The following PHKB variants were observed in gnomAD, a reference collection of about 807,000 sequenced individuals.
PHKB encodes the protein phosphorylase kinase regulatory subunit beta, also known as phosphorylase b kinase regulatory subunit beta.
Under a neutral mutation model 152.1 loss-of-function variants are expected in PHKB, and 122 were observed. The observed-to-expected ratio is 0.80, with a 90% CI of 0.69 to 0.93. The LOEUF (loss-of-function observed/expected upper bound fraction) is 0.93. PHKB is among the 40% of genes least tolerant of loss of function. The probability of loss-of-function intolerance (pLI) is 0.00; values close to 1 mark genes in which losing one functional copy is unlikely to be tolerated. For missense variants in PHKB, 1,304 were observed against 1,328.4 expected, an observed-to-expected ratio of 0.98 and a Z score of 0.29; for synonymous variants, 436 against 464.9, an observed-to-expected ratio of 0.94 and a Z score of 0.80.
At position 47,620,254 on chromosome 16, in the gene PHKB, T is replaced by C. The variant is rs555520331; in HGVS notation, c.1458+9334T>C. The stretch of plus-strand genomic sequence containing the variant: ...AAATATTCTGATATGAAAATGCTAT[T>C]TCAATATTCAAGAGTACAAATAGGA... On this transcript the variant is annotated intron_variant, in intron 14 of 30. Coordinates refer to ENST00000323584, the MANE Select transcript of PHKB (RefSeq NM_000293.3). Among the ~76,000 whole-genome samples, 4 of 152,328 alleles carry C rather than the reference T, an allele frequency of 2.6e-5. No individual in the cohort carries two copies. In the South Asian group the frequency reaches 8.3e-4, roughly 32 times the overall value.
Position 47,678,266 on chromosome 16 carries a change from A to G in PHKB, c.2630+8849A>G, listed in dbSNP as rs780622230. On this transcript the variant is annotated intron_variant, in intron 26 of 30. Transcript: ENST00000323584. ...TGTCTTTATAGCAGCATGATTTATA[A>G]TCCTTTGGGTATATACCCAGTAATG... Among the ~76,000 whole-genome samples the G allele has an allele frequency of 5.4e-3, 826 of 151,816 alleles. 6 individuals carry two copies. Among genetic ancestry groups the G allele is most frequent in the African/African-American group, 0.019 (795 of 41,178 alleles).
In PHKB at chr16:47,563,994, CT is replaced by C. The variant is rs899061752; in HGVS notation, c.711-16281del. 9.8e-3 allele frequency among the ~76,000 whole-genome samples: 802 copies of C among 82,028 alleles called. 4 individuals carry two copies. The highest frequency in any genetic ancestry group is 0.027 in the African/African-American group (592 of 22,092). 53.8% of individuals were successfully genotyped at this position (82,028 alleles called of 152,430 possible). ...TTGCTGCAAAAGACATTATTTCATT[CT>C]TTTTTTTTTTTTTTTTTTTGGCTGA... On this transcript the variant is annotated intron_variant, in intron 7 of 30. Transcript: ENST00000323584.
intron 7 of PHKB, among the ~76,000 whole-genome samples, chr16:47,569,114 A>G (rs1357244150): frequency 6.6e-6 from 1 of 152,102 alleles, no homozygotes; most frequent in Non-Finnish European, 1.5e-5. Flanking sequence ...CTGTCAATGA[A>G]GTGTTGAAGT....
chr16:47,654,670 G>A (rs1973301221), intron 20 of PHKB, among the ~76,000 whole-genome samples: 3 of 152,068 alleles, frequency 2.0e-5, no homozygotes, highest in Non-Finnish European at 4.4e-5. Flanking sequence ...GATGAAGCTG[G>A]AAACCATCAT....
chr16:47,535,582 T>G (rs989087112), intron 6 of PHKB, among the ~76,000 whole-genome samples: 1 of 152,234 alleles, frequency 6.6e-6, no homozygotes, highest in African/African-American at 2.4e-5. Flanking sequence ...TGTTTGCTTT[T>G]GGAGTTGCAG....
At position 47,674,546 on chromosome 16, in the gene PHKB, C is replaced by T. The variant is rs533093805; in HGVS notation, c.2630+5129C>T. On this transcript the variant is annotated intron_variant, in intron 26 of 30. Transcript: ENST00000323584. ...CATTATGTTAACCACACAAAAAAAG[C>T]TTTCTGAAATGTAAACCTGCCTGCC... 8.3e-4 allele frequency among the ~76,000 whole-genome samples: 127 copies of T among 152,260 alleles called. 1 individual carries two copies. The highest frequency in any genetic ancestry group is 2.9e-3 in the African/African-American group (121 of 41,562).
At chr16:47,532,489 A>G (rs777674616) in intron 6 of PHKB, among the ~76,000 whole-genome samples, 1 of 152,206 alleles carries the variant, frequency 6.6e-6, no homozygotes, top group Non-Finnish European at 1.5e-5. Flanking sequence ...CATGCCTGCC[A>G]AGGATGAGCC....
At chr16:47,649,050 G>A (rs1157309562) in intron 17 of PHKB, 50 bp from the exon 18 acceptor site, 1 of 980,644 alleles carries the variant, frequency 1.0e-6, no homozygotes, top group Non-Finnish European at 1.7e-6. Flanking sequence ...CTGCACCTTT[G>A]CCTTTGGTAT....
intron 4 of PHKB, among the ~76,000 whole-genome samples, chr16:47,508,368 T>C (rs1247501485): frequency 6.6e-6 from 1 of 152,222 alleles, no homozygotes; most frequent in Non-Finnish European, 1.5e-5. Flanking sequence ...CAGAGTTGAT[T>C]CAATCTGCAA....
chr16:47,582,589 G>A (rs1971866186), intron 8 of PHKB, among the ~76,000 whole-genome samples: 1 of 152,008 alleles, frequency 6.6e-6, no homozygotes, highest in Non-Finnish European at 1.5e-5. Flanking sequence ...ATTGGTGTAG[G>A]GGGAGGCCTT....
chr16:47,507,250 C>T (rs1393412694), intron 4 of PHKB, among the ~76,000 whole-genome samples: 3 of 151,966 alleles, frequency 2.0e-5, no homozygotes, highest in Non-Finnish European at 4.4e-5. Context: ...GCAAGGGTTA[C>T]AGGCGTGAGC....
At chr16:47,629,966 C>T (rs1033188424) in intron 14 of PHKB, among the ~76,000 whole-genome samples, 3 of 149,338 alleles carry the variant, frequency 2.0e-5, no homozygotes, top group Non-Finnish European at 3.0e-5. Flanking sequence ...TAGATGGGAA[C>T]TGAACAATGA....
At chr16:47,618,238 CTTG>C (rs1224306824) in intron 14 of PHKB, among the ~76,000 whole-genome samples, 1 of 152,092 alleles carries the variant, frequency 6.6e-6, no homozygotes, top group African/African-American at 2.4e-5. Context: ...ATTTAAATAC[CTTG>C]TTGTCTCATG....
intron 7 of PHKB, among the ~76,000 whole-genome samples, chr16:47,552,827 A>G (rs891696355): frequency 6.6e-6 from 1 of 152,094 alleles, no homozygotes; most frequent in African/African-American, 2.4e-5. Flanking sequence ...ACACACACAC[A>G]CACACCAAAA....
intron 20 of PHKB, among the ~76,000 whole-genome samples, chr16:47,656,513 A>G (rs1259685785): frequency 6.6e-6 from 1 of 152,218 alleles, no homozygotes; most frequent in Non-Finnish European, 1.5e-5. Flanking sequence ...GTACTTTGCC[A>G]TCTCTAAAAA....
rs761149812 is a variant in PHKB, at chr16:47,689,055, C to A, written c.2645C>A (p.Ala882Asp). ...TTTTGTTTCAGGTGGATCATCCATG[C>A]CATGGAGTATGAACTTCAGATCCGT... ...LKIRIGWIIH[A>D]MEYELQIRGG... The change falls in exon 27 of 31, where the codon GCC becomes GAC. Residue 882 changes from alanine to aspartate, a missense_variant. Physicochemically the swap from Ala to Asp is moderately radical, Grantham distance 126 (BLOSUM62 -2). Coordinates refer to ENST00000323584, the MANE Select transcript of PHKB (RefSeq NM_000293.3). 1 of 1,613,982 alleles carries A rather than the reference C, an allele frequency of 6.2e-7. No individual in the cohort carries two copies. The highest frequency in any genetic ancestry group is 1.7e-5 in the Admixed American group (1 of 60,000).
rs1973427198 is a variant in PHKB at position 47,660,713 on chromosome 16, A to T, written c.2090A>T (p.Lys697Ile). ...ELEPPKHSKV[K>I]RQSSTPSAPE... The stretch of plus-strand genomic sequence containing the variant: ...GAACCTCCCAAACATTCAAAAGTCA[A>T]ACGGCAAAGCAGCACCCCTAGTGCT... Residue 697 changes from lysine (K) to isoleucine (I), a missense_variant, in exon 22 of 31, where the codon AAA becomes ATA. Lys to Ile is a moderately radical substitution (Grantham distance 102, BLOSUM62 -3). Coordinates refer to ENST00000323584, the MANE Select transcript of PHKB (RefSeq NM_000293.3). 1 of 1,614,070 alleles carries T rather than the reference A, an allele frequency of 6.2e-7. No individual in the cohort carries two copies. The highest frequency in any genetic ancestry group is 1.3e-5 in the African/African-American group (1 of 74,938).
At chr16:47,639,935 AT>A (rs1458204641) in intron 14 of PHKB, among the ~76,000 whole-genome samples, 1 of 152,230 alleles carries the variant, frequency 6.6e-6, no homozygotes, top group Non-Finnish European at 1.5e-5. Flanking sequence ...TTTGGAAAAC[AT>A]TTAATTGTGA....
intron 7 of PHKB, among the ~76,000 whole-genome samples, chr16:47,560,295 G>A (rs374362143): frequency 6.6e-6 from 1 of 152,130 alleles, no homozygotes; most frequent in African/African-American, 2.4e-5. Flanking sequence ...TCTTGTACTT[G>A]TATATTGAAA....
Sources: gnomAD v4.1 joint callset for allele counts (sites outside exome capture counted in the v4.1 genomes callset) on GRCh38, gnomAD v4.1.1 for gene constraint, MANE v1.5 for transcripts, NCBI Gene and HGNC (gene_info 2026-07-23, HGNC 2026-07-21) for gene names.